Variants in EPHA4 observed in about 807,000 individuals in gnomAD.
EPHA4 encodes EPH receptor A4, also known as ephrin type-A receptor 4.
In EPHA4, 19 loss-of-function variants were observed where a neutral mutation model predicts 108.3. The observed-to-expected ratio is 0.18, with a 90% CI of 0.12 to 0.26. The LOEUF is 0.26. Ranked by LOEUF, EPHA4 falls within the 10% of genes least tolerant of loss-of-function variation. EPHA4 has a pLI of 1.00. For synonymous variants in EPHA4, 449 were observed against 455.5 expected, an observed-to-expected ratio of 0.99 and a Z score of 0.18; for missense variants, 917 against 1,254.0, an observed-to-expected ratio of 0.73 and a Z score of 4.06.
chr2:221,540,139 C>T (rs1322283044), intron 3 of EPHA4, among the ~76,000 whole-genome samples: 5 of 152,120 alleles, frequency 3.3e-5, no homozygotes, highest in South Asian at 2.1e-4. Flanking sequence ...AGGCTGGTCT[C>T]GAAATCCTGA....
chr2:221,527,240 A>G (rs906130209), intron 3 of EPHA4, among the ~76,000 whole-genome samples: 2 of 152,234 alleles, frequency 1.3e-5, no homozygotes, highest in Non-Finnish European at 2.9e-5. Context: ...GGTTTAGAGG[A>G]TTCTTATTAA....
rs186409284 is a variant in EPHA4, at chr2:221,509,253, G to A, written c.824-8081C>T. On this transcript the variant is annotated intron_variant, in intron 3 of 17. Transcript: ENST00000281821. ...TGAGGTAGGAGAATCACTTGAACCC[G>A]GGAGGCGGAGGTTGCAGTGAGCCGA... Among the ~76,000 whole-genome samples the A allele has an allele frequency of 2.9e-3, 446 of 152,272 alleles. 2 individuals are homozygous for A. The highest frequency in any genetic ancestry group is 4.2e-3 in the Non-Finnish European group (285 of 68,024).
chr2:221,448,033 G>C (rs12993548), intron 8 of EPHA4, among the ~76,000 whole-genome samples: 57,669 of 151,752 alleles, frequency 0.38, 13,123 homozygotes, highest in South Asian at 0.56. Flanking sequence ...GTAGAGCCAG[G>C]GTTTCACCAT....
chr2:221,480,061 C>T (rs974595018), intron 5 of EPHA4, among the ~76,000 whole-genome samples: 3 of 150,452 alleles, frequency 2.0e-5, no homozygotes, highest in African/African-American at 7.4e-5. Context: ...CACCCCACCC[C>T]ACCCCCGGAA....
chr2:221,481,181 G>C (rs574548224), intron 5 of EPHA4, among the ~76,000 whole-genome samples: 2 of 152,236 alleles, frequency 1.3e-5, no homozygotes, highest in African/African-American at 2.4e-5. Context: ...TAGAAACCTA[G>C]ATTTTCAAAA....
intron 4 of EPHA4, among the ~76,000 whole-genome samples, chr2:221,500,783 T>C (rs1405109845): frequency 6.6e-6 from 1 of 152,156 alleles, no homozygotes; most frequent in Non-Finnish European, 1.5e-5. Context: ...GAACACTCAA[T>C]CTCTTCTCCA....
chr2:221,433,017 G>A (rs1447744030), intron 14 of EPHA4, among the ~76,000 whole-genome samples: 1 of 151,802 alleles, frequency 6.6e-6, no homozygotes, highest in African/African-American at 2.4e-5. Context: ...GTAGAGACGG[G>A]GTTTCACCAT....
At chr2:221,426,176 A>C (rs1689902673) in intron 16 of EPHA4, 34 bp from the exon 17 acceptor site, 1 of 1,570,986 alleles carries the variant, frequency 6.4e-7, no homozygotes, top group Non-Finnish European at 8.8e-7. Context: ...GGACAGAAGA[A>C]GTCACAGGGA....
intron 5 of EPHA4, among the ~76,000 whole-genome samples, chr2:221,464,906 C>T (rs3770167): frequency 0.03 from 4,564 of 152,222 alleles, 135 homozygotes; most frequent in East Asian, 0.081. Flanking sequence ...ATTGATTTTT[C>T]TCCTTATTTG....
chr2:221,531,927 T>C (rs1055075495), intron 3 of EPHA4, among the ~76,000 whole-genome samples: 6 of 152,114 alleles, frequency 3.9e-5, no homozygotes, highest in Non-Finnish European at 5.9e-5. Context: ...AGAGACGAAA[T>C]ACCTTGTACT....
At chr2:221,511,526 G>GTACCTCACTTCCGATTTCTGTCTT (rs1692829303) in intron 3 of EPHA4, among the ~76,000 whole-genome samples, 1 of 128,560 alleles carries the variant, frequency 7.8e-6, no homozygotes, top group Non-Finnish European at 1.8e-5. Flanking sequence ...ATTTCTGTAT[G>GTACCTCACTTCCGATTTCTGTCTT]TCACTTCCCT....
At chr2:221,453,438 T>C (rs1690844543) in intron 8 of EPHA4, among the ~76,000 whole-genome samples, 1 of 152,134 alleles carries the variant, frequency 6.6e-6, no homozygotes, top group Non-Finnish European at 1.5e-5. Context: ...TTCCCGGTGG[T>C]TATATGCACA....
At chr2:221,531,494 T>C (rs1267244719) in intron 3 of EPHA4, among the ~76,000 whole-genome samples, 1 of 152,072 alleles carries the variant, frequency 6.6e-6, no homozygotes, top group East Asian at 1.9e-4. Context: ...CAAATGGAAG[T>C]AGAAAAATAA....
At chr2:221,564,788 G>T (rs953497382) in intron 2 of EPHA4, among the ~76,000 whole-genome samples, 1 of 146,316 alleles carries the variant, frequency 6.8e-6, no homozygotes, top group Non-Finnish European at 1.5e-5. Flanking sequence ...ACTGAGCAGA[G>T]ACCTGCAAAT....
chr2:221,500,693 C>G (rs903105047), intron 4 of EPHA4, among the ~76,000 whole-genome samples: 1 of 152,156 alleles, frequency 6.6e-6, no homozygotes, highest in Non-Finnish European at 1.5e-5. Context: ...AGTTGTCAAG[C>G]TTCCCTGAGT....
chr2:221,462,883 AT>A (rs1244329687), intron 5 of EPHA4, among the ~76,000 whole-genome samples: 1 of 152,234 alleles, frequency 6.6e-6, no homozygotes, highest in Non-Finnish European at 1.5e-5. Context: ...GGTGTTGACA[AT>A]TTGCTCTGCA....
chr2:221,480,589 C>G (rs564438887), intron 5 of EPHA4, among the ~76,000 whole-genome samples: 2 of 152,158 alleles, frequency 1.3e-5, no homozygotes, highest in Non-Finnish European at 2.9e-5. Flanking sequence ...CTATCAAAAA[C>G]TCCTAAATCA....
At chr2:221,451,440 A>C (rs527800368) in intron 8 of EPHA4, among the ~76,000 whole-genome samples, 1 of 152,254 alleles carries the variant, frequency 6.6e-6, no homozygotes, top group South Asian at 2.1e-4. Flanking sequence ...TTTAAAGATC[A>C]TTTTAAAAAA....
At chr2:221,456,085 G>T (rs1690943871) in intron 7 of EPHA4, among the ~76,000 whole-genome samples, 1 of 151,428 alleles carries the variant, frequency 6.6e-6, no homozygotes, top group African/African-American at 2.4e-5. Flanking sequence ...TTCATGGGTA[G>T]ACCCCTCTTA....
Sources: gnomAD v4.1 joint callset for allele counts (sites outside exome capture counted in the v4.1 genomes callset) on GRCh38, gnomAD v4.1.1 for gene constraint, MANE v1.5 for transcripts, NCBI Gene and HGNC (gene_info 2026-07-23, HGNC 2026-07-21) for gene names.